ASTN1: variants seen among roughly 807,000 people sequenced by gnomAD.
ASTN1 encodes astrotactin 1, also known as astrotactin-1.
Under a neutral mutation model 140.7 loss-of-function variants are expected in ASTN1, and 41 were observed. The observed-to-expected ratio is 0.29, with a 90% confidence interval of 0.23 to 0.38. The LOEUF (loss-of-function observed/expected upper bound fraction) is 0.38. Among genes scored for constraint, ASTN1 ranks in the 10% least tolerant of loss-of-function variants. The pLI, the probability that ASTN1 is intolerant of heterozygous loss-of-function variation, is 1.00. For missense variants in ASTN1, 1,479 were observed against 1,678.8 expected, an observed-to-expected ratio of 0.88 and a Z score of 2.08; for synonymous variants, 640 against 652.2, an observed-to-expected ratio of 0.98 and a Z score of 0.29.
chr1:177,029,768 A>G, intron 4 of ASTN1, 27 bp from the exon 5 acceptor site: 1 of 1,587,536 alleles, frequency 6.3e-7, no homozygotes, highest in Non-Finnish European at 8.6e-7. Context: ...ATGGTCAAGA[A>G]AGCGTTTTCA....
intron 1 of ASTN1, among the ~76,000 whole-genome samples, chr1:177,070,805 G>A (rs982014316): frequency 1.3e-5 from 2 of 152,102 alleles, no homozygotes; most frequent in Admixed American, 6.5e-5. Context: ...CTGGTTTTAA[G>A]GCCACTGTTG....
intron 5 of ASTN1, among the ~76,000 whole-genome samples, chr1:177,028,061 T>C (rs1416792271): frequency 1.3e-5 from 2 of 152,164 alleles, no homozygotes; most frequent in African/African-American, 2.4e-5. Flanking sequence ...CTAGGCACTT[T>C]GGAAAAATAA....
At chr1:177,134,301 T>A (rs369523960) in intron 1 of ASTN1, among the ~76,000 whole-genome samples, 1 of 152,336 alleles carries the variant, frequency 6.6e-6, no homozygotes. Flanking sequence ...AACTGACCTC[T>A]CCACCACTCA....
intron 11 of ASTN1, among the ~76,000 whole-genome samples, chr1:176,951,203 G>C (rs892378638): frequency 2.0e-5 from 3 of 152,212 alleles, no homozygotes; most frequent in Non-Finnish European, 2.9e-5. Context: ...TGCAAACCCA[G>C]CTGTTCCAGA....
chr1:177,076,753 C>G (rs1220111172), intron 1 of ASTN1, among the ~76,000 whole-genome samples: 3 of 152,058 alleles, frequency 2.0e-5, no homozygotes, highest in Non-Finnish European at 4.4e-5. Context: ...GAACTTCTGA[C>G]CTCAAGTGAT....
intron 1 of ASTN1, among the ~76,000 whole-genome samples, chr1:177,162,302 G>T (rs1647427188): frequency 1.3e-5 from 2 of 152,214 alleles, no homozygotes; most frequent in Non-Finnish European, 2.9e-5. Flanking sequence ...GAGTCAGAAA[G>T]AATAAGTACC....
At chr1:177,109,015 A>AAAAG (rs1400164835) in intron 1 of ASTN1, among the ~76,000 whole-genome samples, 62 of 152,264 alleles carry the variant, frequency 4.1e-4, no homozygotes, top group African/African-American at 1.5e-3. Context: ...AAGAAAAAGA[A>AAAAG]AAAGAAAGAA....
chr1:176,949,166 C>T lies in ASTN1; in HGVS notation c.2054+19G>A. The T allele has an allele frequency of 6.2e-7, 1 of 1,612,934 alleles. No individual in the cohort carries two copies. The highest frequency in any genetic ancestry group is 2.2e-5 in the East Asian group (1 of 44,848). On this transcript the variant is annotated intron_variant, in intron 12 of 22. Coordinates refer to ENST00000361833, the MANE Select transcript of ASTN1 (RefSeq NM_004319.3). ...GGGACAGATGGACGCCAGGTGGCCT[C>T]GCTGGCAGCTCAACTCACCCACAGA...
chr1:177,108,508 T>C (rs1680661400), intron 1 of ASTN1, among the ~76,000 whole-genome samples: 1 of 152,148 alleles, frequency 6.6e-6, no homozygotes, highest in Non-Finnish European at 1.5e-5. Flanking sequence ...GGTTTCTCCA[T>C]AGTGTAACAT....
At chr1:177,163,099 A>G (rs974283877) in intron 1 of ASTN1, among the ~76,000 whole-genome samples, 5 of 152,192 alleles carry the variant, frequency 3.3e-5, no homozygotes, top group African/African-American at 1.2e-4. Context: ...CTATGAAGGA[A>G]GAGCAAGAGG....
intron 8 of ASTN1, among the ~76,000 whole-genome samples, chr1:176,999,385 T>C (rs901270844): frequency 6.6e-6 from 1 of 152,224 alleles, no homozygotes; most frequent in Non-Finnish European, 1.5e-5. Flanking sequence ...TAGAAAAGCA[T>C]GCACTAACTG....
intron 16 of ASTN1, among the ~76,000 whole-genome samples, chr1:176,930,505 T>C (rs925334020): frequency 1.3e-5 from 2 of 152,054 alleles, no homozygotes; most frequent in Admixed American, 1.3e-4. Context: ...ATGGTTTCTT[T>C]AGAGGAGTAT....
At chr1:177,042,417 C>T (rs532952420) in intron 2 of ASTN1, among the ~76,000 whole-genome samples, 1 of 152,270 alleles carries the variant, frequency 6.6e-6, no homozygotes, top group African/African-American at 2.4e-5. Flanking sequence ...TCTCAAAGTC[C>T]ACAAACCACT....
chr1:177,145,020 A>G lies in ASTN1; in HGVS notation c.283+19374T>C, dbSNP rs565755855. On this transcript the variant is annotated intron_variant, in intron 1 of 22. Coordinates refer to ENST00000361833, the MANE Select transcript of ASTN1 (RefSeq NM_004319.3). ...CCTAGCAGTTTTCAGGGTGCCTTAA[A>G]TCTTTAAGTCTCTGAGTTTCTTAGT... Among the ~76,000 whole-genome samples, 36 of 152,258 alleles carry G rather than the reference A, an allele frequency of 2.4e-4. No homozygotes were observed. The South Asian group carries it at 7.1e-3, about 30-fold the overall frequency.
At chr1:177,021,922 G>A (rs1242460312) in intron 7 of ASTN1, among the ~76,000 whole-genome samples, 1 of 152,198 alleles carries the variant, frequency 6.6e-6, no homozygotes, top group Non-Finnish European at 1.5e-5. Context: ...TAGCTTTTGG[G>A]CATGGTACAC....
intron 16 of ASTN1, among the ~76,000 whole-genome samples, chr1:176,920,473 G>A (rs1479328752): frequency 2.0e-5 from 3 of 152,204 alleles, no homozygotes; most frequent in African/African-American, 7.2e-5. Context: ...TTCATTCAAA[G>A]TTCCCCATAC....
chr1:177,155,928 A>C (rs1683215572), intron 1 of ASTN1, among the ~76,000 whole-genome samples: 1 of 152,152 alleles, frequency 6.6e-6, no homozygotes, highest in Admixed American at 6.6e-5. Flanking sequence ...CTGTAACAAC[A>C]AGCACACTTA....
At chr1:176,990,666 CA>C (rs1674116158) in intron 8 of ASTN1, among the ~76,000 whole-genome samples, 1 of 152,036 alleles carries the variant, frequency 6.6e-6, no homozygotes, top group Non-Finnish European at 1.5e-5. Flanking sequence ...CTAAAAATCA[CA>C]AATAGGAGAA....
At chr1:176,987,031 T>A (rs1383141371) in intron 8 of ASTN1, among the ~76,000 whole-genome samples, 1 of 152,086 alleles carries the variant, frequency 6.6e-6, no homozygotes, top group Non-Finnish European at 1.5e-5. Context: ...ACACTTCTGG[T>A]TGTTACAACT....
Sources: allele counts gnomAD v4.1 joint callset (sites outside exome capture counted in the v4.1 genomes callset), GRCh38; gene constraint gnomAD v4.1.1; transcripts MANE v1.5; gene names NCBI Gene and HGNC (gene_info 2026-07-23, HGNC 2026-07-21).